ROBO1: variants seen among roughly 807,000 people sequenced by gnomAD.
ROBO1 encodes roundabout guidance receptor 1.
In ROBO1, 149 loss-of-function variants were observed where a neutral mutation model predicts 195.9. That is an observed-to-expected ratio of 0.76 (90% confidence interval 0.67 to 0.87). The LOEUF (loss-of-function observed/expected upper bound fraction) is 0.87, where lower values mean the gene tolerates loss of function less well. Ranked by LOEUF, ROBO1 falls within the 40% of genes least tolerant of loss-of-function variation. The pLI is 0.00. For missense variants in ROBO1, 1,933 were observed against 2,068.3 expected, an observed-to-expected ratio of 0.93 and a Z score of 1.27; for synonymous variants, 816 against 733.2, an observed-to-expected ratio of 1.11 and a Z score of -1.82.
At chr3:78,808,971 G>C (rs1160083935) in intron 4 of ROBO1, among the ~76,000 whole-genome samples, 1 of 152,030 alleles carries the variant, frequency 6.6e-6, no homozygotes, top group Non-Finnish European at 1.5e-5. Context: ...CAAAAGCAAT[G>C]GCAACAAAAG....
intron 2 of ROBO1, among the ~76,000 whole-genome samples, chr3:79,316,466 T>C (rs2033741585): frequency 6.6e-6 from 1 of 152,152 alleles, no homozygotes; most frequent in South Asian, 2.1e-4. Flanking sequence ...GTGAGGAACA[T>C]TAAAATTTCA....
rs185047020 is a variant in ROBO1, at chr3:78,840,223, G to A, written c.500-93323C>T. Among the ~76,000 whole-genome samples, 8 of 152,176 alleles carry A rather than the reference G, an allele frequency of 5.3e-5. No individual in the cohort carries two copies. In the East Asian group the frequency reaches 1.6e-3, roughly 30 times the overall value. ...CTGATCATCCAAAGGAAATAGATAT[G>A]GTCTCAGAGGTTTAAAAACAAAATG... On this transcript the variant is annotated intron_variant, in intron 4 of 30. Transcript: ENST00000464233.
chr3:78,667,793 A>T, intron 14 of ROBO1, 90 bp downstream of exon 14: 6 of 1,332,856 alleles, frequency 4.5e-6, no homozygotes, highest in Non-Finnish European at 6.2e-6. Flanking sequence ...TAAATGTACA[A>T]TTCTAGCATG....
chr3:78,886,570 G>T (rs1301995506), intron 4 of ROBO1, among the ~76,000 whole-genome samples: 2 of 151,938 alleles, frequency 1.3e-5, no homozygotes, highest in Non-Finnish European at 2.9e-5. Context: ...CTCCAGCCTG[G>T]GTGACAGAGT....
intron 3 of ROBO1, among the ~76,000 whole-genome samples, chr3:78,963,785 G>A (rs151116753): frequency 0.017 from 2,645 of 152,150 alleles, 72 homozygotes; most frequent in African/African-American, 0.058. Flanking sequence ...CCAAAATGCT[G>A]GGATTACAGG....
At chr3:78,943,550 T>C (rs1414147071) in intron 3 of ROBO1, among the ~76,000 whole-genome samples, 1 of 152,224 alleles carries the variant, frequency 6.6e-6, no homozygotes, top group Non-Finnish European at 1.5e-5. Flanking sequence ...TTCAGATTGT[T>C]ACTAGGCATT....
chr3:79,754,967 G>A (rs931214030), intron 1 of ROBO1, among the ~76,000 whole-genome samples: 2 of 152,052 alleles, frequency 1.3e-5, no homozygotes, highest in African/African-American at 4.8e-5. Flanking sequence ...TGCAACCTCT[G>A]CCTCCCAGGT....
intron 3 of ROBO1, among the ~76,000 whole-genome samples, chr3:79,048,445 C>T (rs979232075): frequency 1.1e-4 from 16 of 152,066 alleles, no homozygotes; most frequent in Admixed American, 4.6e-4. Flanking sequence ...AGGCATTTGC[C>T]GTAATGATTC....
chr3:79,242,289 C>A (rs965765875), intron 2 of ROBO1, among the ~76,000 whole-genome samples: 1 of 151,876 alleles, frequency 6.6e-6, no homozygotes, highest in Admixed American at 6.6e-5. Flanking sequence ...AAAAAATTCT[C>A]TTTTATTTAA....
intron 2 of ROBO1, among the ~76,000 whole-genome samples, chr3:79,466,886 T>C (rs932935817): frequency 1.1e-4 from 16 of 152,184 alleles, no homozygotes; most frequent in Admixed American, 5.2e-4. Context: ...CAGGAACTGA[T>C]TGGAATATAT....
intron 2 of ROBO1, among the ~76,000 whole-genome samples, chr3:79,272,102 A>G (rs1172066042): frequency 6.6e-6 from 1 of 152,116 alleles, no homozygotes; most frequent in African/African-American, 2.4e-5. Flanking sequence ...CGCAGCACTC[A>G]GAAACATTTA....
intron 3 of ROBO1, among the ~76,000 whole-genome samples, chr3:79,102,101 A>G (rs758636620): frequency 4.6e-5 from 7 of 151,806 alleles, no homozygotes; most frequent in Non-Finnish European, 7.4e-5. Flanking sequence ...AAAATTATCT[A>G]TAAAAGTGCA....
intron 4 of ROBO1, among the ~76,000 whole-genome samples, chr3:78,830,982 G>A (rs546488785): frequency 3.3e-5 from 5 of 151,972 alleles, no homozygotes; most frequent in African/African-American, 7.2e-5. Context: ...GCAGGGTCCC[G>A]GCTCACTGCA....
intron 2 of ROBO1, among the ~76,000 whole-genome samples, chr3:79,134,917 T>C (rs942261816): frequency 5.6e-5 from 7 of 126,012 alleles, no homozygotes; most frequent in Non-Finnish European, 9.9e-5. Context: ...AGGGATAGCA[T>C]TGGGAGATAT....
intron 14 of ROBO1, among the ~76,000 whole-genome samples, chr3:78,664,580 C>T (rs1448193418): frequency 6.6e-6 from 1 of 152,186 alleles, no homozygotes; most frequent in Non-Finnish European, 1.5e-5. Flanking sequence ...AAGGCTCTAA[C>T]TCCAACCATG....
At chr3:79,250,409 T>C (rs1347690321) in intron 2 of ROBO1, among the ~76,000 whole-genome samples, 1 of 152,170 alleles carries the variant, frequency 6.6e-6, no homozygotes, top group Non-Finnish European at 1.5e-5. Flanking sequence ...TTCAAAAATA[T>C]GACTGAGTAC....
rs141046727 is a variant in ROBO1 at position 79,250,833 on chromosome 3, T to C, written c.89-125294A>G. On this transcript the variant is annotated intron_variant, in intron 2 of 30. Transcript: ENST00000464233. ...CACTTTGGGAGCCAAGGCAGGTGGA[T>C]CACTTGAGGACAGTAGTTTGAGTCC... Among the ~76,000 whole-genome samples, 275 of 152,100 alleles carry C rather than the reference T, an allele frequency of 1.8e-3. 2 individuals carry two copies. Among genetic ancestry groups the C allele is most frequent in the African/African-American group, 6.4e-3 (265 of 41,474 alleles).
chr3:79,595,552 C>G (rs903853024), intron 1 of ROBO1, among the ~76,000 whole-genome samples: 1 of 151,828 alleles, frequency 6.6e-6, no homozygotes, highest in African/African-American at 2.4e-5. Flanking sequence ...TCACCCTACT[C>G]TCTTTTGTCT....
chr3:79,544,878 G>A (rs968519628), intron 2 of ROBO1, among the ~76,000 whole-genome samples: 1 of 151,888 alleles, frequency 6.6e-6, no homozygotes, highest in Non-Finnish European at 1.5e-5. Flanking sequence ...TGAACTTAAG[G>A]TTTCTTTTTT....
Sources: allele counts gnomAD v4.1 joint callset (sites outside exome capture counted in the v4.1 genomes callset), GRCh38; gene constraint gnomAD v4.1.1; transcripts MANE v1.5; gene names NCBI Gene and HGNC (gene_info 2026-07-23, HGNC 2026-07-21).